PRCP: variants seen among roughly 807,000 people sequenced by gnomAD.
PRCP encodes the protein lysosomal Pro-X carboxypeptidase.
PRCP carries 46 observed loss-of-function variants against 54.2 expected under a neutral mutation model. That is an observed-to-expected ratio of 0.85 (90% CI 0.67 to 1.09). The LOEUF is 1.09. Among genes scored for constraint, PRCP ranks in the 50% least tolerant of loss-of-function variants. The probability of loss-of-function intolerance (pLI) is 0.00; values close to 1 mark genes in which losing one functional copy is unlikely to be tolerated. For missense variants in PRCP, 613 were observed against 596.8 expected, an observed-to-expected ratio of 1.03 and a Z score of -0.28; for synonymous variants, 240 against 212.2, an observed-to-expected ratio of 1.13 and a Z score of -1.14.
chr11:82,853,812 C>T (rs1024791224), intron 2 of PRCP, among the ~76,000 whole-genome samples: 11 of 152,156 alleles, frequency 7.2e-5, no homozygotes, highest in African/African-American at 2.7e-4. Context: ...TTACCAGAAT[C>T]ATATAGGCTT....
intron 8 of PRCP, chr11:82,830,036 C>G (rs1026137826): frequency 2.0e-5 from 3 of 152,026 alleles, no homozygotes; most frequent in African/African-American, 7.2e-5. Context: ...AAGTTACTGA[C>G]CCCTGTGAAC....
intron 8 of PRCP, chr11:82,828,509 T>C (rs1858298576): frequency 1.3e-5 from 2 of 152,206 alleles, no homozygotes; most frequent in African/African-American, 4.8e-5. Context: ...TCGGCATATC[T>C]ATACCCACCA....
chr11:82,896,856 A>G (rs1410329964), intron 1 of PRCP, among the ~76,000 whole-genome samples: 1 of 152,076 alleles, frequency 6.6e-6, no homozygotes, highest in Non-Finnish European at 1.5e-5. Flanking sequence ...CTTAATAAAA[A>G]TCTCTCTCAT....
At chr11:82,889,436 G>A (rs1222305753) in intron 1 of PRCP, among the ~76,000 whole-genome samples, 4 of 151,990 alleles carry the variant, frequency 2.6e-5, no homozygotes, top group Non-Finnish European at 5.9e-5. Context: ...GAAGGAGGGG[G>A]AGGAAGAGAA....
At chr11:82,846,355 A>T (rs1366752673) in intron 6 of PRCP, among the ~76,000 whole-genome samples, 2 of 151,938 alleles carry the variant, frequency 1.3e-5, no homozygotes, top group Non-Finnish European at 2.9e-5. Context: ...TGGGAGGGAG[A>T]CGTAGTGGAA....
At chr11:82,891,303 G>A (rs1860003984) in intron 1 of PRCP, among the ~76,000 whole-genome samples, 1 of 152,042 alleles carries the variant, frequency 6.6e-6, no homozygotes, top group Non-Finnish European at 1.5e-5. Context: ...TCCAGAATCT[G>A]AGCACTTCTC....
At chr11:82,895,407 G>A (rs1254292855) in intron 1 of PRCP, among the ~76,000 whole-genome samples, 1 of 152,058 alleles carries the variant, frequency 6.6e-6, no homozygotes, top group Non-Finnish European at 1.5e-5. Context: ...GCCCTCAAGT[G>A]ATCCTCCTAG....
rs1479445581 is a variant in PRCP, at chr11:82,849,180, A to G, written c.790T>C (p.Cys264Arg). The G allele has an allele frequency of 3.1e-6, 5 of 1,614,142 alleles. No homozygotes were observed. Among genetic ancestry groups the G allele is most frequent in the East Asian group, 2.2e-5 (1 of 44,886 alleles). The stretch of plus-strand genomic sequence containing the variant: ...ATGTCCTGAGAAGTTAATGGGCTGC[A>G]TAAGTGAAGGGCTCCAGTAAGCCAC... ...LQWLTGALHL[C>R]SPLTSQDIQH... Residue 264 changes from cysteine to arginine, a missense_variant, in exon 6 of 9, where the codon TGC (cysteine) becomes CGC (arginine). By Grantham distance (180) the Cys-to-Arg change is radical (BLOSUM62 -3). Coordinates refer to ENST00000313010, the MANE Select transcript of PRCP (RefSeq NM_005040.4).
chr11:82,852,552 A>G (rs886961628), intron 3 of PRCP, among the ~76,000 whole-genome samples: 5 of 152,226 alleles, frequency 3.3e-5, no homozygotes, highest in African/African-American at 4.8e-5. Flanking sequence ...AAAGAAAAAT[A>G]TTAGGTAAAT....
At chr11:82,835,115 T>C (rs902963637) in intron 8 of PRCP, among the ~76,000 whole-genome samples, 1 of 152,180 alleles carries the variant, frequency 6.6e-6, no homozygotes, top group Non-Finnish European at 1.5e-5. Flanking sequence ...ATCTAGGTGA[T>C]GGGTTGATAG....
chr11:82,850,033 T>A lies in PRCP; in HGVS notation c.632A>T (p.Asp211Val). The A allele has an allele frequency of 1.4e-6, 2 of 1,467,566 alleles. No homozygotes were observed. Among genetic ancestry groups the A allele is most frequent in the East Asian group, 2.6e-5 (1 of 38,630 alleles). 90.9% of individuals were successfully genotyped at this position (1,467,566 alleles called of 1,614,324 possible). A position where few individuals can be genotyped will look rare whatever the true frequency, so the allele number is the denominator to read the frequency against. ...AASAPIWQFE[D>V]LVPCGVFMKI... The stretch of plus-strand genomic sequence containing the variant: ...CATAAATACACCACAAGGTACTAAA[T>A]CCTCAAACTGCCAGATAGGGGCAGA... The change falls in exon 5 of 9, where the codon GAT (aspartate) becomes GTT (valine). Residue 211 changes from aspartate to valine, a missense_variant. Physicochemically the swap from Asp to Val is radical, Grantham distance 152. Transcript: ENST00000313010.
At chr11:82,859,672 TG>T (rs5793044) in intron 2 of PRCP, among the ~76,000 whole-genome samples, 17,644 of 152,114 alleles carry the variant, frequency 0.12, 1,960 homozygotes, top group African/African-American at 0.29. Flanking sequence ...AGGCAGTCCA[TG>T]AAAAATACAA....
intron 1 of PRCP, among the ~76,000 whole-genome samples, chr11:82,869,390 G>C (rs1327977445): frequency 6.8e-6 from 1 of 147,638 alleles, no homozygotes; most frequent in Non-Finnish European, 1.5e-5. Context: ...AAGAAGAAAA[G>C]AAAGAAGGAA....
intron 8 of PRCP, chr11:82,827,906 T>C (rs1278922759): frequency 6.6e-6 from 1 of 152,240 alleles, no homozygotes; most frequent in Non-Finnish European, 1.5e-5. Flanking sequence ...AAATATGAGA[T>C]GTCTTTCCAT....
At chr11:82,870,962 C>T (rs61902269) in intron 1 of PRCP, among the ~76,000 whole-genome samples, 3,569 of 150,504 alleles carry the variant, frequency 0.024, 80 homozygotes, top group South Asian at 0.098. Flanking sequence ...GCAAGGTAAT[C>T]TAAACTATGC....
intron 1 of PRCP, among the ~76,000 whole-genome samples, chr11:82,897,947 G>A (rs1365260528): frequency 6.6e-6 from 1 of 152,106 alleles, no homozygotes; most frequent in Non-Finnish European, 1.5e-5. Context: ...ATTAAACCTT[G>A]AATAAAAAAC....
At chr11:82,890,719 C>T (rs1264363836) in intron 1 of PRCP, among the ~76,000 whole-genome samples, 1 of 152,230 alleles carries the variant, frequency 6.6e-6, no homozygotes, top group African/African-American at 2.4e-5. Context: ...CTTTCGCCTC[C>T]ACTCACCCTC....
intron 1 of PRCP, among the ~76,000 whole-genome samples, chr11:82,869,368 A>AAAAG (rs1555017370): frequency 3.3e-5 from 5 of 151,326 alleles, no homozygotes; most frequent in African/African-American, 1.2e-4. Context: ...AAAAAAAAAA[A>AAAAG]AAGAAGAAGA....
intron 1 of PRCP, among the ~76,000 whole-genome samples, chr11:82,867,362 G>C (rs78486855): frequency 6.6e-6 from 1 of 152,256 alleles, no homozygotes; most frequent in Non-Finnish European, 1.5e-5. Context: ...AAAATGCTGT[G>C]AAACCAAAAC....
Sources: allele counts gnomAD v4.1 joint callset (sites outside exome capture counted in the v4.1 genomes callset), GRCh38; gene constraint gnomAD v4.1.1; transcripts MANE v1.5; gene names NCBI Gene and HGNC (gene_info 2026-07-23, HGNC 2026-07-21).